PTPRT: variants seen among roughly 807,000 people sequenced by gnomAD.
PTPRT encodes the protein protein tyrosine phosphatase receptor type T.
PTPRT carries 56 observed loss-of-function variants against 176.8 expected under a neutral mutation model. The observed-to-expected ratio is 0.32, with a 90% CI of 0.26 to 0.40. The LOEUF (loss-of-function observed/expected upper bound fraction) is 0.40, where lower values mean the gene tolerates loss of function less well. Among genes scored for constraint, PTPRT ranks in the 10% least tolerant of loss-of-function variants. The pLI is 1.00. For synonymous variants in PTPRT, 783 were observed against 739.0 expected (o/e 1.06, Z -0.96); for missense variants, 1,540 against 1,908.2 (o/e 0.81, Z 3.60).
the PTPRT span, among the ~76,000 whole-genome samples, chr20:42,051,461 G>T: frequency 2.0e-5 from 3 of 152,284 alleles, no homozygotes; most frequent in South Asian, 4.1e-4. Context: ...GTTTTGAAGG[G>T]TCTAGTCTTC....
At chr20:42,619,132 C>A (rs1258251006) in intron 7 of PTPRT, among the ~76,000 whole-genome samples, 1 of 150,056 alleles carries the variant, frequency 6.7e-6, no homozygotes, top group Non-Finnish European at 1.5e-5. Context: ...TTAGGGCAGG[C>A]CTGGTGGTGA....
intron 1 of PTPRT, among the ~76,000 whole-genome samples, chr20:43,100,692 G>A (rs1389470673): frequency 6.6e-6 from 1 of 152,166 alleles, no homozygotes; most frequent in Non-Finnish European, 1.5e-5. Flanking sequence ...CTGCCATGAT[G>A]GACCTCACAG....
chr20:42,248,667 A>G lies in PTPRT; in HGVS notation c.2312+20T>C. The G allele has an allele frequency of 6.2e-7, 1 of 1,612,838 alleles. No homozygotes were observed. ...TCACCTCGGGTCAGCAGAGTCTTGCAGGCAGCAGCAGAGACTCACCTCCTT... is the reference window on the plus strand; with the variant it reads ...TCACCTCGGGTCAGCAGAGTCTTGCGGGCAGCAGCAGAGACTCACCTCCTT... On this transcript the variant is annotated intron_variant, in intron 14 of 30. Transcript: ENST00000373187.
chr20:42,314,319 G>A (rs1330238182), intron 12 of PTPRT, among the ~76,000 whole-genome samples: 1 of 152,090 alleles, frequency 6.6e-6, no homozygotes, highest in Admixed American at 6.5e-5. Flanking sequence ...ACGAGGTCAG[G>A]AGACCGAGAC....
downstream of PTPRT, among the ~76,000 whole-genome samples, chr20:42,072,480 C>G (rs1476273580): frequency 6.6e-6 from 1 of 152,176 alleles, no homozygotes; most frequent in African/African-American, 2.4e-5. Flanking sequence ...TAACAAAGTT[C>G]CCAGTGATTC....
intron 6 of PTPRT, among the ~76,000 whole-genome samples, chr20:42,728,988 T>C (rs1203689235): frequency 2.0e-5 from 3 of 152,272 alleles, no homozygotes; most frequent in East Asian, 1.9e-4. Context: ...GACAAGTAGA[T>C]TGACCTTCTC....
chr20:43,062,356 T>A (rs1987502333), intron 1 of PTPRT, among the ~76,000 whole-genome samples: 1 of 152,220 alleles, frequency 6.6e-6, no homozygotes, highest in African/African-American at 2.4e-5. Flanking sequence ...ACTTAACAGA[T>A]CTGAGCCTTA....
chr20:42,219,519 C>T (rs2055837418), intron 15 of PTPRT, among the ~76,000 whole-genome samples: 1 of 152,178 alleles, frequency 6.6e-6, no homozygotes, highest in Non-Finnish European at 1.5e-5. Context: ...GTTAGATAAG[C>T]ATTGTTAGAG....
In PTPRT at chr20:42,081,860, G is replaced by A. The variant is rs754717579; in HGVS notation, c.4272+22C>T. On this transcript the variant is annotated intron_variant, in intron 30 of 30. Transcript: ENST00000373187. ...GAACTAGTCAGCCCTGGCTGTTGGAGAACAGTCCTTGGGATACTCACCAGG... is the reference window on the plus strand; with the variant it reads ...GAACTAGTCAGCCCTGGCTGTTGGAAAACAGTCCTTGGGATACTCACCAGG... The A allele has an allele frequency of 3.7e-6, 6 of 1,613,510 alleles. No individual in the cohort carries two copies. In the African/African-American group the frequency reaches 4.0e-5, roughly 11 times the overall value.
chr20:42,057,898 T>C, the PTPRT span, among the ~76,000 whole-genome samples: 1 of 152,224 alleles, frequency 6.6e-6, no homozygotes, highest in East Asian at 1.9e-4. Flanking sequence ...CTTACTTTTT[T>C]ATAGCCCTCA....
intron 1 of PTPRT, among the ~76,000 whole-genome samples, chr20:42,936,200 A>G (rs1009986182): frequency 2.0e-5 from 3 of 152,198 alleles, no homozygotes; most frequent in Non-Finnish European, 2.9e-5. Flanking sequence ...AGGAAAGGGA[A>G]TGCTGGGGAA....
chr20:42,746,793 C>T (rs1370097807), intron 6 of PTPRT, among the ~76,000 whole-genome samples: 2 of 152,074 alleles, frequency 1.3e-5, no homozygotes, highest in Non-Finnish European at 2.9e-5. Flanking sequence ...AAGTCAAGAT[C>T]AGGCATGAGA....
At chr20:42,246,592 G>T (rs1050451032) in intron 14 of PTPRT, among the ~76,000 whole-genome samples, 18 of 152,106 alleles carry the variant, frequency 1.2e-4, no homozygotes, top group African/African-American at 4.3e-4. Flanking sequence ...GAAACATAAA[G>T]CCTTTTCCTC....
intron 1 of PTPRT, among the ~76,000 whole-genome samples, chr20:42,906,740 G>T (rs1026970640): frequency 6.6e-6 from 1 of 152,180 alleles, no homozygotes. Flanking sequence ...ACCCTGTGAG[G>T]GGGACAGGGG....
At chr20:43,132,009 T>C (rs2013660046) in intron 1 of PTPRT, among the ~76,000 whole-genome samples, 1 of 150,508 alleles carries the variant, frequency 6.6e-6, no homozygotes, top group Non-Finnish European at 1.5e-5. Flanking sequence ...ATGAAAAATT[T>C]ACACACACAC....
At chr20:42,974,450 G>A (rs1381112340) in intron 1 of PTPRT, among the ~76,000 whole-genome samples, 1 of 151,696 alleles carries the variant, frequency 6.6e-6, no homozygotes, top group African/African-American at 2.4e-5. Context: ...CTCTGTAAAC[G>A]CATCATACCT....
chr20:43,040,599 C>T (rs1054432449), intron 1 of PTPRT, among the ~76,000 whole-genome samples: 33 of 152,216 alleles, frequency 2.2e-4, no homozygotes, highest in African/African-American at 7.7e-4. Flanking sequence ...ACAGAGCTCC[C>T]TCGCTGTCCT....
At chr20:42,500,369 A>T (rs2071730813) in intron 7 of PTPRT, among the ~76,000 whole-genome samples, 1 of 151,978 alleles carries the variant, frequency 6.6e-6, no homozygotes, top group Non-Finnish European at 1.5e-5. Context: ...TTTTTGAATT[A>T]AATTTTATAA....
chr20:42,515,420 T>C (rs189695007), intron 7 of PTPRT, among the ~76,000 whole-genome samples: 20 of 152,172 alleles, frequency 1.3e-4, no homozygotes, highest in Non-Finnish European at 2.2e-4. Flanking sequence ...GAGGGTGTGG[T>C]TGCAGTGAGC....
Sources: allele counts gnomAD v4.1 joint callset (sites outside exome capture counted in the v4.1 genomes callset), GRCh38; gene constraint gnomAD v4.1.1; transcripts MANE v1.5; gene names NCBI Gene and HGNC (gene_info 2026-07-23, HGNC 2026-07-21).